KCNU1: variants seen among roughly 807,000 people sequenced by gnomAD.
The protein encoded by KCNU1 is potassium calcium-activated channel subfamily U member 1, also known as potassium channel subfamily U member 1.
A neutral mutation model predicts 126.8 loss-of-function variants in KCNU1; 93 were observed. The observed-to-expected ratio is 0.73, with a 90% confidence interval of 0.62 to 0.87. KCNU1 has a LOEUF of 0.87. KCNU1 is among the 40% of genes least tolerant of loss of function. The probability of loss-of-function intolerance (pLI) is 0.00; values close to 1 mark genes in which losing one functional copy is unlikely to be tolerated. For synonymous variants in KCNU1, 523 were observed against 494.2 expected (o/e 1.06, Z -0.77); for missense variants, 1,330 against 1,367.1 (o/e 0.97, Z 0.43).
At chr8:36,836,971 C>T in intron 14 of KCNU1, 26 bp downstream of exon 14, 6 of 1,611,914 alleles carry the variant, frequency 3.7e-6, no homozygotes, top group Admixed American at 1.7e-5. Flanking sequence ...ACTGTTGATT[C>T]TTGGCTCTGT....
At chr8:36,845,928 T>A in intron 18 of KCNU1, 29 bp downstream of exon 18, 1 of 1,340,098 alleles carries the variant, frequency 7.5e-7, no homozygotes, top group Non-Finnish European at 1.1e-6. Flanking sequence ...TGGCTGTCCT[T>A]AGCCCAGCCT....
chr8:36,919,014 A>C lies in KCNU1; in HGVS notation c.2596+117A>C, dbSNP rs1808233885. The C allele has an allele frequency of 8.6e-6, 6 of 698,988 alleles. No homozygotes were observed. The Admixed American group carries it at 1.4e-4, about 16-fold the overall frequency. The allele number at this position is 698,988 out of a possible 1,614,324, so 43.3% of individuals were successfully genotyped here. Reference sequence around the variant, plus strand: ...GGACTCAGGAACCAGAATGGGGCTCAGAGCTTTAAGTGCTTGCCCGGATGT... The same window carrying C: ...GGACTCAGGAACCAGAATGGGGCTCCGAGCTTTAAGTGCTTGCCCGGATGT... On this transcript the variant is annotated intron_variant, in intron 23 of 26. Transcript: ENST00000399881.
intron 19 of KCNU1, among the ~76,000 whole-genome samples, chr8:36,865,406 C>T (rs1007587236): frequency 1.3e-5 from 2 of 151,988 alleles, no homozygotes; most frequent in African/African-American, 4.8e-5. Flanking sequence ...TCTGTACTCC[C>T]ATGTTCATTG....
chr8:36,894,168 A>G (rs767484815), intron 19 of KCNU1, among the ~76,000 whole-genome samples: 10 of 152,140 alleles, frequency 6.6e-5, no homozygotes, highest in Non-Finnish European at 1.3e-4. Context: ...CTGTTTTTAT[A>G]TGGTTTGCCA....
chr8:36,832,976 T>C (rs1303515733), intron 10 of KCNU1, among the ~76,000 whole-genome samples: 2 of 152,128 alleles, frequency 1.3e-5, no homozygotes, highest in Non-Finnish European at 2.9e-5. Flanking sequence ...TTTATTTGTG[T>C]TTTGGTTAAC....
At chr8:36,830,229 A>T (rs1804482609) in intron 10 of KCNU1, among the ~76,000 whole-genome samples, 2 of 151,496 alleles carry the variant, frequency 1.3e-5, no homozygotes, top group African/African-American at 4.8e-5. Flanking sequence ...TAGTATAATT[A>T]TTGCTGAGAC....
intron 8 of KCNU1, 46 bp from the exon 9 acceptor site, chr8:36,815,550 A>G (rs1204921887): frequency 5.0e-6 from 5 of 999,338 alleles, no homozygotes; most frequent in East Asian, 2.6e-5. Context: ...TGGAGTATCC[A>G]TCAAAATAAT....
chr8:36,835,029 T>A (rs960036719), intron 12 of KCNU1, among the ~76,000 whole-genome samples, 161 bp downstream of exon 12: 8 of 152,192 alleles, frequency 5.3e-5, no homozygotes, highest in African/African-American at 1.9e-4. Context: ...TCCCCAAGAC[T>A]GTGCAGATGG....
At chr8:36,841,927 A>C (rs1804971630) in intron 16 of KCNU1, among the ~76,000 whole-genome samples, 1 of 152,094 alleles carries the variant, frequency 6.6e-6, no homozygotes. Context: ...ATGGAAGAAA[A>C]GGTGGAAAAG....
chr8:36,830,914 C>A (rs1215981681), intron 10 of KCNU1, among the ~76,000 whole-genome samples: 17 of 119,292 alleles, frequency 1.4e-4, no homozygotes, highest in Non-Finnish European at 2.4e-4. Flanking sequence ...CCCCCTCCCC[C>A]CACCCCACAA....
intron 4 of KCNU1, 120 bp from the exon 5 acceptor site, chr8:36,806,149 A>G: frequency 1.6e-6 from 1 of 611,536 alleles, no homozygotes; most frequent in Non-Finnish European, 2.9e-6. Flanking sequence ...TGTATATGTA[A>G]AATAGAAGGA....
chr8:36,801,317 A>G lies in KCNU1; in HGVS notation c.316-2710A>G, dbSNP rs532400067. ...ATCTTTCCTCTCGTTAGTGTCCACA[A>G]ATCTGTCAGCTCCCAGTGCCTTCTT... On this transcript the variant is annotated intron_variant, in intron 2 of 26. Coordinates refer to ENST00000399881, the MANE Select transcript of KCNU1 (RefSeq NM_001031836.3). Among the ~76,000 whole-genome samples, 7 of 152,260 alleles carry G rather than the reference A, an allele frequency of 4.6e-5. 1 individual carries two copies. Among genetic ancestry groups the G allele is most frequent in the African/African-American group, 1.7e-4 (7 of 41,566 alleles).
chr8:36,907,081 G>A (rs906095206), intron 20 of KCNU1, among the ~76,000 whole-genome samples: 1 of 152,102 alleles, frequency 6.6e-6, no homozygotes, highest in Admixed American at 6.6e-5. Flanking sequence ...ATATAGTTCA[G>A]AATACCAACC....
In KCNU1 at chr8:36,834,881, G is replaced by C. The variant is rs1804688867; in HGVS notation, c.1295+13G>C. ...CCAACATTATGAGGTAAGAAGCTGT[G>C]TTTTGTATGCTATAACGATTATTTT... On this transcript the variant is annotated intron_variant, in intron 12 of 26. Coordinates refer to ENST00000399881, the MANE Select transcript of KCNU1 (RefSeq NM_001031836.3). The C allele has an allele frequency of 1.3e-6, 2 of 1,546,288 alleles. No individual in the cohort carries two copies. Among genetic ancestry groups the C allele is most frequent in the Admixed American group, 1.7e-5 (1 of 59,062 alleles).
chr8:36,923,059 GAGC>G (rs1808419049), intron 24 of KCNU1: 1 of 457,166 alleles, frequency 2.2e-6, no homozygotes, highest in African/African-American at 2.0e-5. Context: ...GTTTTGCTCA[GAGC>G]TAAGTCAAAT....
chr8:36,839,428 G>A (rs1266616554), intron 14 of KCNU1, among the ~76,000 whole-genome samples: 1 of 152,066 alleles, frequency 6.6e-6, no homozygotes, highest in Non-Finnish European at 1.5e-5. Context: ...TTTAGTTATT[G>A]GAAATTAGTG....
intron 19 of KCNU1, among the ~76,000 whole-genome samples, chr8:36,879,699 A>G (rs1806404330): frequency 1.3e-5 from 2 of 152,180 alleles, no homozygotes; most frequent in Admixed American, 6.5e-5. Flanking sequence ...TAAGAAAAAA[A>G]TTAGTACAAA....
In KCNU1 at chr8:36,833,593, C is replaced by T; in HGVS notation, c.1146C>T (p.Cys382=). 6.2e-7 allele frequency: 1 copy of T among 1,612,090 alleles called. No individual in the cohort carries two copies. Among genetic ancestry groups the T allele is most frequent in the Non-Finnish European group, 8.5e-7 (1 of 1,178,550 alleles). ...TGGAACTTGAAACCATATTTAAATG[C>T]TACTTGGCCTACACAACGTTCATTT... is the stretch of plus-strand genomic sequence containing the variant. The part of the protein sequence containing the change: ...PSLELETIFK[C]YLAYTTFISG... The change falls in exon 11 of 27, where the codon TGC becomes TGT. Residue 382 remains cysteine, a synonymous_variant. Coordinates refer to ENST00000399881, the MANE Select transcript of KCNU1 (RefSeq NM_001031836.3).
intron 2 of KCNU1, among the ~76,000 whole-genome samples, chr8:36,796,626 T>A (rs1294992394): frequency 6.6e-6 from 1 of 152,198 alleles, no homozygotes; most frequent in Non-Finnish European, 1.5e-5. Context: ...TTTGTATTGT[T>A]TTTGGCTTTG....
Sources: gnomAD v4.1 joint callset for allele counts (sites outside exome capture counted in the v4.1 genomes callset) on GRCh38, gnomAD v4.1.1 for gene constraint, MANE v1.5 for transcripts, NCBI Gene and HGNC (gene_info 2026-07-23, HGNC 2026-07-21) for gene names.